UGT1A8: variants seen among roughly 807,000 people sequenced by gnomAD.
UGT1A8 encodes the protein UDP-glucuronosyltransferase 1A8.
Under a neutral mutation model 45.3 loss-of-function variants are expected in UGT1A8, and 39 were observed. The observed-to-expected ratio is 0.86, with a 90% CI of 0.67 to 1.12. The LOEUF is 1.12. UGT1A8 is among the 50% of genes most tolerant of loss of function. The pLI is 0.00. For missense variants in UGT1A8, 719 were observed against 664.9 expected (o/e 1.08, Z -0.90); for synonymous variants, 275 against 249.2 (o/e 1.10, Z -0.97).
In UGT1A8 at chr2:233,682,729, C is replaced by T. The variant is rs781554274; in HGVS notation, c.855+64167C>T. The T allele has an allele frequency of 2.5e-5, 41 of 1,613,712 alleles. No individual in the cohort carries two copies. The Admixed American group carries it at 6.3e-4, about 25-fold the overall frequency. ...ACTTTGTTTTGGAGTATCCCAAACCCGTGATGCCCAATATGATCTTCATTG... is the reference window on the plus strand; with the variant it reads ...ACTTTGTTTTGGAGTATCCCAAACCTGTGATGCCCAATATGATCTTCATTG... On this transcript the variant is annotated intron_variant, in intron 1 of 4. Transcript: ENST00000373450.
At chr2:233,653,646 G>T (rs572331726) in intron 1 of UGT1A8, among the ~76,000 whole-genome samples, 17 of 152,280 alleles carry the variant, frequency 1.1e-4, no homozygotes, top group African/African-American at 4.1e-4. Context: ...GCCTATGCTG[G>T]AGTGCAGTGG....
intron 1 of UGT1A8, chr2:233,693,359 A>T: frequency 6.2e-7 from 1 of 1,614,208 alleles, no homozygotes; most frequent in Non-Finnish European, 8.5e-7. Context: ...CATGATTGTT[A>T]TTGGCCTGTA....
chr2:233,619,629 T>C (rs1039781711), intron 1 of UGT1A8, among the ~76,000 whole-genome samples: 1 of 152,228 alleles, frequency 6.6e-6, no homozygotes, highest in African/African-American at 2.4e-5. Flanking sequence ...GTTATTAACA[T>C]TTATTCCTTG....
intron 1 of UGT1A8, among the ~76,000 whole-genome samples, chr2:233,685,926 G>T (rs745922812): frequency 1.3e-5 from 2 of 152,052 alleles, no homozygotes; most frequent in Non-Finnish European, 2.9e-5. Flanking sequence ...AATTTATCCT[G>T]ATTGTCTCAA....
chr2:233,673,111 G>A (rs748488446), intron 1 of UGT1A8, among the ~76,000 whole-genome samples: 1 of 152,110 alleles, frequency 6.6e-6, no homozygotes, highest in Non-Finnish European at 1.5e-5. Flanking sequence ...GCCCGCCCCA[G>A]AGGAAATGGT....
At chr2:233,680,468 G>A (rs2125517975) in intron 1 of UGT1A8, among the ~76,000 whole-genome samples, 1 of 152,314 alleles carries the variant, frequency 6.6e-6, no homozygotes, top group East Asian at 1.9e-4. Flanking sequence ...TCTAGTACCA[G>A]TTAGGGTGTC....
intron 1 of UGT1A8, among the ~76,000 whole-genome samples, chr2:233,704,424 T>C (rs536183058): frequency 6.6e-6 from 1 of 152,286 alleles, no homozygotes; most frequent in South Asian, 2.1e-4. Flanking sequence ...CCAACTTAAT[T>C]CCAGTTAAAT....
intron 1 of UGT1A8, chr2:233,647,847 G>A (rs2073642201): frequency 8.1e-7 from 1 of 1,228,044 alleles, no homozygotes; most frequent in Non-Finnish European, 1.1e-6. Flanking sequence ...GGTGTCATTG[G>A]TTTTCTCCAT....
chr2:233,644,425 A>G (rs2073545509), intron 1 of UGT1A8, among the ~76,000 whole-genome samples: 1 of 152,080 alleles, frequency 6.6e-6, no homozygotes, highest in Admixed American at 6.5e-5. Context: ...AAAATTAGCC[A>G]GGTGTGGTGG....
intron 1 of UGT1A8, among the ~76,000 whole-genome samples, chr2:233,654,263 A>G (rs2073805092): frequency 6.6e-6 from 1 of 152,230 alleles, no homozygotes; most frequent in Non-Finnish European, 1.5e-5. Flanking sequence ...TTTAGCTGTT[A>G]GAGAGTTTAG....
At chr2:233,716,548 A>G (rs17864696) in intron 1 of UGT1A8, among the ~76,000 whole-genome samples, 1 of 152,142 alleles carries the variant, frequency 6.6e-6, no homozygotes, top group African/African-American at 2.4e-5. Context: ...CTCTCCTTAT[A>G]TTCCTTTTTT....
intron 1 of UGT1A8, among the ~76,000 whole-genome samples, chr2:233,694,315 T>C (rs74562873): frequency 6.6e-6 from 1 of 151,936 alleles, no homozygotes; most frequent in Non-Finnish European, 1.5e-5. Flanking sequence ...TTTTTTTTTT[T>C]CCTTTTATGT....
chr2:233,757,270 C>T (rs1464122204), intron 1 of UGT1A8, among the ~76,000 whole-genome samples: 2 of 102,654 alleles, frequency 1.9e-5, no homozygotes, highest in African/African-American at 7.7e-5. Context: ...GCAGCCGATG[C>T]AATGATTCAG....
At chr2:233,719,323 C>T in intron 1 of UGT1A8, 1 of 1,613,948 alleles carries the variant, frequency 6.2e-7, no homozygotes, top group Non-Finnish European at 8.5e-7. Flanking sequence ...CTGTCGATTC[C>T]TGCTGTGTTT....
rs181024490 is a variant in UGT1A8, at chr2:233,690,715, C to T, written c.855+72153C>T. ...TACTCTTTAGGGATCGTCATTATGA[C>T]GAACAGACATGCCAGATTCCTCTGG... On this transcript the variant is annotated intron_variant, in intron 1 of 4. Transcript: ENST00000373450. The T allele has an allele frequency of 2.7e-4, 328 of 1,218,932 alleles. 5 individuals are homozygous for T. The South Asian group carries it at 3.2e-3, about 12-fold the overall frequency. 75.5% of individuals were successfully genotyped at this position (1,218,932 alleles called of 1,614,324 possible). A position where few individuals can be genotyped will look rare whatever the true frequency, so the allele number is the denominator to read the frequency against.
intron 1 of UGT1A8, among the ~76,000 whole-genome samples, chr2:233,625,713 C>T (rs2073075461): frequency 6.6e-6 from 1 of 151,734 alleles, no homozygotes; most frequent in Non-Finnish European, 1.5e-5. Context: ...ACCATGTGTT[C>T]TCACTTAGAA....
chr2:233,646,882 C>A (rs555853433), intron 1 of UGT1A8, among the ~76,000 whole-genome samples: 1 of 152,204 alleles, frequency 6.6e-6, no homozygotes, highest in Non-Finnish European at 1.5e-5. Context: ...CAGTAGCAAT[C>A]CACTCTACTG....
rs45569333 is a variant in UGT1A8, at chr2:233,718,151, T to A, written c.856-48883T>A. The A allele has an allele frequency of 1.8e-4, 44 of 241,004 alleles. No individual in the cohort carries two copies. The East Asian group carries it at 3.7e-3, about 20-fold the overall frequency. The allele number at this position is 241,004 out of a possible 1,614,324, so 14.9% of individuals were successfully genotyped here. ...TAGATGGAGAATCCTCAATAAAGCC[T>A]TCCCAAGAATATGATCATCACATCT... On this transcript the variant is annotated intron_variant, in intron 1 of 4. Transcript: ENST00000373450.
intron 1 of UGT1A8, among the ~76,000 whole-genome samples, chr2:233,696,935 T>C (rs2075366322): frequency 6.6e-6 from 1 of 152,194 alleles, no homozygotes; most frequent in Non-Finnish European, 1.5e-5. Context: ...AATAAATGCA[T>C]CAGGATTAAT....
Sources: gnomAD v4.1 joint callset for allele counts (sites outside exome capture counted in the v4.1 genomes callset) on GRCh38, gnomAD v4.1.1 for gene constraint, MANE v1.5 for transcripts, NCBI Gene and HGNC (gene_info 2026-07-23, HGNC 2026-07-21) for gene names.